PLG: variants seen among roughly 807,000 people sequenced by gnomAD.
The protein encoded by PLG is plasmin.
Under a neutral mutation model 104.4 loss-of-function variants are expected in PLG, and 41 were observed. The observed-to-expected ratio is 0.39, with a 90% confidence interval of 0.31 to 0.51. The LOEUF (loss-of-function observed/expected upper bound fraction) is 0.51. Among genes scored for constraint, PLG ranks in the 20% least tolerant of loss-of-function variants. The pLI is 0.76. For synonymous variants in PLG, 337 were observed against 357.1 expected (o/e 0.94, Z 0.63); for missense variants, 891 against 1,003.6 (o/e 0.89, Z 1.52).
chr6:160,729,199 A>G (rs900771810), intron 10 of PLG, among the ~76,000 whole-genome samples: 2 of 152,230 alleles, frequency 1.3e-5, no homozygotes, highest in Admixed American at 6.5e-5. Flanking sequence ...AACCATCACA[A>G]GATGTCACCA....
At position 160,741,929 on chromosome 6, in the gene PLG, T is replaced by C. The variant is rs984299582; in HGVS notation, c.2125+512T>C. ...CATGTGGTATTTGGTTTTCTGTTCC[T>C]GTGTTAGTTTTCTAAGAATAACGGC... is the stretch of plus-strand genomic sequence containing the variant. On this transcript the variant is annotated intron_variant, in intron 17 of 18. Transcript: ENST00000308192. This position sits in a 1 kb window ranked among gnomAD's most constrained non-coding sequence, Gnocchi z 4.7. 6.6e-6 allele frequency among the ~76,000 whole-genome samples: 1 copy of C among 152,222 alleles called. No homozygotes were observed. The highest frequency in any genetic ancestry group is 2.4e-5 in the African/African-American group (1 of 41,456).
At chr6:160,742,925 T>C (rs969094957) in intron 17 of PLG, among the ~76,000 whole-genome samples, 27 of 152,248 alleles carry the variant, frequency 1.8e-4, no homozygotes, top group African/African-American at 6.5e-4. Context: ...CATTGCTTGT[T>C]TTTGTCAGCT....
intron 10 of PLG, 104 bp from the exon 11 acceptor site, chr6:160,730,947 C>G: frequency 8.6e-7 from 1 of 1,158,146 alleles, no homozygotes; most frequent in Non-Finnish European, 1.3e-6. Flanking sequence ...GGGAATATTT[C>G]AAAGCCACTT....
chr6:160,752,247 C>T lies in PLG; in HGVS notation c.2258C>T (p.Thr753Ile). The T allele has an allele frequency of 6.2e-7, 1 of 1,614,000 alleles. No individual in the cohort carries two copies. The highest frequency in any genetic ancestry group is 1.1e-5 in the South Asian group (1 of 91,068). ...TGTGCTGGGCATTTGGCCGGAGGCACTGACAGTTGCCAGGTAAGCAAAGAT... is the reference window on the plus strand; with the variant it reads ...TGTGCTGGGCATTTGGCCGGAGGCATTGACAGTTGCCAGGTAAGCAAAGAT... ...ELCAGHLAGG[T>I]DSCQGDSGGP... The change falls in exon 18 of 19, where the codon ACT becomes ATT. Residue 753 changes from threonine (T) to isoleucine (I), a missense_variant. Thr to Ile is a moderately conservative substitution (Grantham distance 89). Around this residue, in one of 2 missense-constraint regions of PLG, gnomAD observed 854 missense variants for 932.1 expected, o/e 0.92. Coordinates refer to ENST00000308192, the MANE Select transcript of PLG (RefSeq NM_000301.5). This position sits in a 1 kb window ranked among gnomAD's most constrained non-coding sequence, Gnocchi z 4.7.
intron 5 of PLG, chr6:160,713,402 T>A (rs1777678956): frequency 2.6e-6 from 1 of 389,920 alleles, no homozygotes; most frequent in Non-Finnish European, 4.9e-6. Context: ...CCCAAGTAGC[T>A]GGGATTACAG....
intron 5 of PLG, among the ~76,000 whole-genome samples, chr6:160,713,618 A>T (rs550620234): frequency 1.8e-4 from 28 of 152,310 alleles, no homozygotes; most frequent in Non-Finnish European, 3.5e-4. Context: ...ACAAATATAA[A>T]ACTACATCTA....
intron 6 of PLG, among the ~76,000 whole-genome samples, chr6:160,715,761 C>A (rs996431304): frequency 6.6e-5 from 10 of 152,228 alleles, no homozygotes; most frequent in African/African-American, 2.4e-4. Context: ...AACACAGCAG[C>A]TGCCATTTTC....
intron 5 of PLG, among the ~76,000 whole-genome samples, chr6:160,713,885 A>T (rs918905623): frequency 4.6e-5 from 7 of 152,224 alleles, no homozygotes; most frequent in Non-Finnish European, 8.8e-5. Context: ...TTTTAAAAAA[A>T]TCCTACTGAA....
chr6:160,735,084 T>C lies in PLG; in HGVS notation c.1681+996T>C, dbSNP rs1012609332. ...GAGGGGTTAGGATGGTATGAAAGAT[T>C]CTACTTGGCCAATATTATTGTAATG... On this transcript the variant is annotated intron_variant, in intron 13 of 18. Coordinates refer to ENST00000308192, the MANE Select transcript of PLG (RefSeq NM_000301.5). This position sits in a 1 kb window ranked among gnomAD's most constrained non-coding sequence, Gnocchi z 5.4. Among the ~76,000 whole-genome samples, 1 of 152,114 alleles carries C rather than the reference T, an allele frequency of 6.6e-6. No homozygotes were observed. Among genetic ancestry groups the C allele is most frequent in the Non-Finnish European group, 1.5e-5 (1 of 68,008 alleles).
intron 7 of PLG, among the ~76,000 whole-genome samples, chr6:160,717,303 T>C (rs529440135): frequency 6.6e-6 from 1 of 152,146 alleles, no homozygotes; most frequent in Non-Finnish European, 1.5e-5. Context: ...TTTTCCTCTC[T>C]GAGAATTTGA....
At chr6:160,710,559 A>G (rs371072656) in intron 3 of PLG, among the ~76,000 whole-genome samples, 58 of 152,122 alleles carry the variant, frequency 3.8e-4, no homozygotes, top group African/African-American at 1.4e-3. Flanking sequence ...GTAGACCACA[A>G]TTTTATAGCC....
chr6:160,723,614 G>C lies in PLG; in HGVS notation c.1256+1047G>C. 6.6e-6 allele frequency among the ~76,000 whole-genome samples: 1 copy of C among 152,188 alleles called. No individual in the cohort carries two copies. The highest frequency in any genetic ancestry group is 2.4e-5 in the African/African-American group (1 of 41,456). On this transcript the variant is annotated intron_variant, in intron 10 of 18. Coordinates refer to ENST00000308192, the MANE Select transcript of PLG (RefSeq NM_000301.5). This position sits in a 1 kb window ranked among gnomAD's most constrained non-coding sequence, Gnocchi z 4.7. ...AGGTAATAACATGAAAGGAAACATT[G>C]TGGAGGAAAGCAGCTCCAGGAATGT...
Position 160,736,904 on chromosome 6 carries a change from T to A in PLG, c.1699T>A (p.Cys567Ser). 6.2e-7 allele frequency: 1 copy of A among 1,614,018 alleles called. No homozygotes were observed. Among genetic ancestry groups the A allele is most frequent in the Non-Finnish European group, 8.5e-7 (1 of 1,179,926 alleles). ...VPQCAAPSFD[C>S]GKPQVEPKKC... ...TGCCACAGCGGCCCCTTCATTTGAT[T>A]GTGGGAAGCCTCAAGTGGAGCCGAA... Residue 567 changes from cysteine (C) to serine (S), a missense_variant, in exon 14 of 19, where the codon TGT (cysteine) becomes AGT (serine). Physicochemically the swap from Cys to Ser is moderately radical, Grantham distance 112. This residue lies in a region of PLG where 854 missense variants were observed against 932.1 expected (regional missense o/e 0.92). Transcript: ENST00000308192. The surrounding 1 kb of genome is among the most constrained non-coding windows in gnomAD (Gnocchi z 5.2).
rs181030365 is a variant in PLG, at chr6:160,741,375, G to A, written c.2083G>A (p.Asp695Asn). The change falls in exon 17 of 19, where the codon GAC becomes AAC. Residue 695 changes from aspartate to asparagine, a missense_variant. Around this residue, in one of 2 missense-constraint regions of PLG, gnomAD observed 854 missense variants for 932.1 expected, o/e 0.92. Transcript: ENST00000308192. The surrounding 1 kb of genome is among the most constrained non-coding windows in gnomAD (Gnocchi z 4.7). ...CLPSPNYVVADRTECFITGWG... is the reference protein window; with the variant it reads ...CLPSPNYVVANRTECFITGWG... Reference sequence around the variant, plus strand: ...GCCATCCCCAAATTATGTGGTCGCTGACCGGACCGAATGTTTCATCACTGG... The same window carrying A: ...GCCATCCCCAAATTATGTGGTCGCTAACCGGACCGAATGTTTCATCACTGG... 9.3e-6 allele frequency: 15 copies of A among 1,613,480 alleles called. No homozygotes were observed. The East Asian group carries it at 3.1e-4, about 34-fold the overall frequency.
chr6:160,724,406 T>C lies in PLG; in HGVS notation c.1256+1839T>C, dbSNP rs1158463852. 1.3e-5 allele frequency among the ~76,000 whole-genome samples: 2 copies of C among 151,954 alleles called. No homozygotes were observed. The highest frequency in any genetic ancestry group is 6.5e-5 in the Admixed American group (1 of 15,268). ...CTAGAAAATAATTCAATAGAAGTGA[T>C]ACAAACTGCAGCACACACATACAAA... On this transcript the variant is annotated intron_variant, in intron 10 of 18. Transcript: ENST00000308192. The surrounding 1 kb of genome is among the most constrained non-coding windows in gnomAD (Gnocchi z 5.0).
Position 160,744,781 on chromosome 6 carries a change from T to TGCTA in PLG, c.2125+3367_2125+3370dup, listed in dbSNP as rs1358456130. Among the ~76,000 whole-genome samples, 5 of 152,156 alleles carry TGCTA rather than the reference T, an allele frequency of 3.3e-5. No individual in the cohort carries two copies. The highest frequency in any genetic ancestry group is 7.4e-5 in the Non-Finnish European group (5 of 67,990). ...CTTAATTTGAGATCTTTCTTCTTGA[T>TGCTA]GCTAGCATTTGGTGCTATGAATTTC... On this transcript the variant is annotated intron_variant, in intron 17 of 18. Transcript: ENST00000308192. This position sits in a 1 kb window ranked among gnomAD's most constrained non-coding sequence, Gnocchi z 4.5.
Position 160,752,115 on chromosome 6 carries a change from G to C in PLG, c.2126G>C (p.Gly709Ala). 6.2e-7 allele frequency: 1 copy of C among 1,613,084 alleles called. No homozygotes were observed. Among genetic ancestry groups the C allele is most frequent in the Non-Finnish European group, 8.5e-7 (1 of 1,179,132 alleles). The change falls in exon 18 of 19, where the codon GGT (glycine) becomes GCT (alanine). Residue 709 changes from glycine to alanine, a missense_variant and splice_region_variant. By Grantham distance (60) the Gly-to-Ala change is moderately conservative. Transcript: ENST00000308192. This position sits in a 1 kb window ranked among gnomAD's most constrained non-coding sequence, Gnocchi z 4.7. Reference sequence around the variant, plus strand: ...ATTTCTTTCATCTTTTTAAACACAGGTACTTTTGGAGCTGGCCTTCTCAAG... The same window carrying C: ...ATTTCTTTCATCTTTTTAAACACAGCTACTTTTGGAGCTGGCCTTCTCAAG... ...CFITGWGETQ[G>A]TFGAGLLKEA... is the part of the protein sequence containing the mutation.
Position 160,748,378 on chromosome 6 carries a change from A to AAGAGAGAGAGAGAGAG in PLG, c.2126-3734_2126-3733insGAGAGAGAGAGAGAGA, listed in dbSNP as rs1405091216. ...AAAGAAAGAAAGAAAGAAAGAAAGA[A>AAGAGAGAGAGAGAGAG]AGAAAGAAAGAAAGAAAGAAAGGAA... On this transcript the variant is annotated intron_variant, in intron 17 of 18. Transcript: ENST00000308192. Among the ~76,000 whole-genome samples, 15 of 41,794 alleles carry AAGAGAGAGAGAGAGAG rather than the reference A, an allele frequency of 3.6e-4. No individual in the cohort carries two copies. In the East Asian group the frequency reaches 0.019, roughly 53 times the overall value. The allele number at this position is 41,794 out of a possible 152,430, so 27.4% of individuals were successfully genotyped here.
At chr6:160,720,874 A>T (rs1657315572) in intron 9 of PLG, among the ~76,000 whole-genome samples, 1 of 151,886 alleles carries the variant, frequency 6.6e-6, no homozygotes, top group African/African-American at 2.4e-5. Flanking sequence ...TTGTTTCATA[A>T]ATCTTGTAAG....
Sources: allele counts gnomAD v4.1 joint callset (sites outside exome capture counted in the v4.1 genomes callset), GRCh38; gene constraint gnomAD v4.1.1; regional missense constraint gnomAD v4.1.1; non-coding constraint Gnocchi (gnomAD v3.1); transcripts MANE v1.5; gene names NCBI Gene and HGNC (gene_info 2026-07-23, HGNC 2026-07-21).